The following DHX8 variants were observed in gnomAD, a reference collection of about 807,000 sequenced individuals.
The protein encoded by DHX8 is ATP-dependent RNA helicase DHX8.
Under a neutral mutation model 140.7 loss-of-function variants are expected in DHX8, and 67 were observed. The observed-to-expected ratio is 0.48, with a 90% CI of 0.39 to 0.58. The LOEUF (loss-of-function observed/expected upper bound fraction) is 0.58. DHX8 is among the 20% of genes least tolerant of loss of function. DHX8 has a pLI of 0.00. For synonymous variants in DHX8, 533 were observed against 553.2 expected (o/e 0.96, Z 0.51); for missense variants, 887 against 1,550.7 (o/e 0.57, Z 7.19).
At chr17:43,522,851 G>T (rs974072442) in intron 22 of DHX8, among the ~76,000 whole-genome samples, 1 of 151,068 alleles carries the variant, frequency 6.6e-6, no homozygotes, top group East Asian at 1.9e-4. Flanking sequence ...ATCACCAGAG[G>T]TCAGGAATTC....
Position 43,507,066 on chromosome 17 carries a change from A to T in DHX8, c.1792A>T (p.Ile598Phe). The T allele has an allele frequency of 6.2e-7, 1 of 1,614,038 alleles. No homozygotes were observed. The highest frequency in any genetic ancestry group is 8.5e-7 in the Non-Finnish European group (1 of 1,180,008). Residue 598 changes from isoleucine (I) to phenylalanine (F), a missense_variant, in exon 13 of 23, where the codon ATC becomes TTC. Ile to Phe is a conservative substitution (Grantham distance 21, BLOSUM62 0). Coordinates refer to ENST00000262415, the MANE Select transcript of DHX8 (RefSeq NM_004941.3). ...GACAGGATCTGGAAAGACAACACAG[A>T]TCACCCAGTACCTGGCGGAGGCAGG... is the stretch of plus-strand genomic sequence containing the variant. ...GETGSGKTTQITQYLAEAGYT... is the reference protein window; with the variant it reads ...GETGSGKTTQFTQYLAEAGYT...
At position 43,523,652 on chromosome 17, in the gene DHX8, C is replaced by T. The variant is rs747264056; in HGVS notation, c.3468C>T (p.Leu1156=). The T allele has an allele frequency of 9.3e-6, 15 of 1,614,132 alleles. No individual in the cohort carries two copies. In the South Asian group the frequency reaches 1.6e-4, roughly 18 times the overall value. Residue 1156 remains leucine, a synonymous_variant, in exon 23 of 23, where the codon CTC becomes CTT. Transcript: ENST00000262415. ...GGGTGGTGTACCATGAGCTGGTGCT[C>T]ACCACCAAGGAATACATGCGTGAAG... ...PEWVVYHELV[L]TTKEYMREVT...
At chr17:43,528,778 A>G, downstream of DHX8, 1 of 1,580,578 alleles carries the variant, frequency 6.3e-7, no homozygotes, top group South Asian at 1.1e-5. Flanking sequence ...CAGCCTGGCT[A>G]GCCGCCCAGC....
chr17:43,532,257 T>C (rs1190808530), intron 2 of DHX8, among the ~76,000 whole-genome samples: 1 of 152,086 alleles, frequency 6.6e-6, no homozygotes, highest in East Asian at 1.9e-4. Context: ...CACAGCACTT[T>C]GGGAGGCCGA....
At chr17:43,526,290 A>G (rs906397046), downstream of DHX8, 6 of 1,372,328 alleles carry the variant, frequency 4.4e-6, no homozygotes, top group African/African-American at 4.4e-5. Context: ...CTTCTTGGCC[A>G]TTAAAGTATA....
chr17:43,537,419 C>T (rs541064310), intron 3 of DHX8, among the ~76,000 whole-genome samples: 122 of 151,856 alleles, frequency 8.0e-4, no homozygotes, highest in African/African-American at 2.9e-3. Flanking sequence ...GGTGGCTGGG[C>T]GCAGTGGTTC....
At chr17:43,536,372 C>A in intron 2 of DHX8, 1 of 1,478,916 alleles carries the variant, frequency 6.8e-7, no homozygotes. Flanking sequence ...TCCTATGACT[C>A]ACTTCCTGCC....
intron 2 of DHX8, chr17:43,533,825 T>TCCTACCCTTCA (rs768303834): frequency 6.2e-7 from 1 of 1,605,884 alleles, no homozygotes; most frequent in Admixed American, 1.7e-5. Context: ...GGAACCCTTC[T>TCCTACCCTTCA]CCTACCCTTC....
At chr17:43,498,382 G>A (rs1335456179) in intron 9 of DHX8, among the ~76,000 whole-genome samples, 1 of 151,660 alleles carries the variant, frequency 6.6e-6, no homozygotes, top group African/African-American at 2.4e-5. Flanking sequence ...CTTGACCTCA[G>A]GTGATCAGCC....
At chr17:43,535,508 C>T (rs760023478) in intron 2 of DHX8, among the ~76,000 whole-genome samples, 1 of 152,096 alleles carries the variant, frequency 6.6e-6, no homozygotes, top group Non-Finnish European at 1.5e-5. Context: ...AACTCCTGAC[C>T]TCATGTGATC....
intron 2 of DHX8, among the ~76,000 whole-genome samples, chr17:43,535,110 G>A (rs1179526180): frequency 2.0e-5 from 3 of 152,218 alleles, no homozygotes; most frequent in African/African-American, 7.2e-5. Context: ...AGGCTGAGCA[G>A]CAAAGAGTTG....
At chr17:43,487,675 A>G (rs532098360) in intron 1 of DHX8, among the ~76,000 whole-genome samples, 2 of 152,224 alleles carry the variant, frequency 1.3e-5, no homozygotes, top group East Asian at 3.9e-4. Flanking sequence ...TAGCTCTAAT[A>G]TTAGAAGTTT....
chr17:43,507,144 A>G lies in DHX8; in HGVS notation c.1870A>G (p.Met624Val). 6.2e-7 allele frequency: 1 copy of G among 1,614,092 alleles called. No individual in the cohort carries two copies. Among genetic ancestry groups the G allele is most frequent in the Non-Finnish European group, 8.5e-7 (1 of 1,180,012 alleles). The change falls in exon 13 of 23, where the codon ATG (methionine) becomes GTG (valine). Residue 624 changes from methionine (M) to valine (V), a missense_variant. By Grantham distance (21) the Met-to-Val change is conservative. Around this residue, in one of 9 missense-constraint regions of DHX8, gnomAD observed 178 missense variants for 398.5 expected, o/e 0.45. Coordinates refer to ENST00000262415, the MANE Select transcript of DHX8 (RefSeq NM_004941.3). ...TACCCAGCCCAGAAGAGTGGCAGCT[A>G]TGTCGGTGGCCAAAAGAGTGTCAGA... ...GCTQPRRVAAMSVAKRVSEEF... is the reference protein window; with the variant it reads ...GCTQPRRVAAVSVAKRVSEEF...
At chr17:43,533,427 G>A (rs1173792476) in intron 2 of DHX8, 27 of 1,372,482 alleles carry the variant, frequency 2.0e-5, no homozygotes, top group Non-Finnish European at 2.6e-5. Context: ...CTAGGAAAGC[G>A]AGGTCACAGG....
chr17:43,536,571 C>G (rs1046572401), intron 3 of DHX8: 4 of 1,084,294 alleles, frequency 3.7e-6, no homozygotes, highest in African/African-American at 3.1e-5. Flanking sequence ...TAGCAACAGC[C>G]AAGAAAGGAC....
chr17:43,526,803 A>T, downstream of DHX8: 1 of 966,288 alleles, frequency 1.0e-6, no homozygotes, highest in Non-Finnish European at 1.4e-6. Context: ...TGTTTTTAAA[A>T]TTTTGTTTCT....
Position 43,508,362 on chromosome 17 carries a change from G to T in DHX8, c.2344G>T (p.Gly782Cys). ...AGGTGATATCCTGGTCTTCCTGACT[G>T]GTCAGGAAGAAATTGATACTGCTTG... ...PPGDILVFLT[G>C]QEEIDTACEI... Residue 782 changes from glycine to cysteine, a missense_variant, in exon 16 of 23, where the codon GGT becomes TGT. Transcript: ENST00000262415. 1 of 1,606,536 alleles carries T rather than the reference G, an allele frequency of 6.2e-7. No individual in the cohort carries two copies. The highest frequency in any genetic ancestry group is 8.5e-7 in the Non-Finnish European group (1 of 1,173,466).
intron 1 of DHX8, among the ~76,000 whole-genome samples, chr17:43,486,947 C>T (rs946862237): frequency 1.3e-5 from 2 of 151,898 alleles, no homozygotes; most frequent in African/African-American, 4.8e-5. Context: ...GGGAGGGGCT[C>T]TTTTGAGCAT....
chr17:43,508,937 T>C (rs1482535672), intron 16 of DHX8, among the ~76,000 whole-genome samples: 4 of 152,236 alleles, frequency 2.6e-5, no homozygotes, highest in Admixed American at 6.5e-5. Context: ...GCAAGTCTTG[T>C]TTGTTAGGTT....
Sources: gnomAD v4.1 joint callset for allele counts (sites outside exome capture counted in the v4.1 genomes callset) on GRCh38, gnomAD v4.1.1 for gene constraint, gnomAD v4.1.1 regional missense constraint, MANE v1.5 for transcripts, NCBI Gene and HGNC (gene_info 2026-07-23, HGNC 2026-07-21) for gene names.